NXPH1: variants seen among roughly 807,000 people sequenced by gnomAD.
The protein encoded by NXPH1 is neurexophilin 1, also known as neurexophilin-1.
Under a neutral mutation model 23.7 loss-of-function variants are expected in NXPH1, and 5 were observed. That is an observed-to-expected ratio of 0.21 (90% confidence interval 0.11 to 0.44). The LOEUF (loss-of-function observed/expected upper bound fraction) is 0.44. Among genes scored for constraint, NXPH1 ranks in the 20% least tolerant of loss-of-function variants. The pLI, the probability that NXPH1 is intolerant of heterozygous loss-of-function variation, is 0.99. For synonymous variants in NXPH1, 144 were observed against 122.2 expected (o/e 1.18, Z -1.18); for missense variants, 324 against 321.6 (o/e 1.01, Z -0.06).
At chr7:8,533,313 G>A (rs1817980438) in intron 2 of NXPH1, among the ~76,000 whole-genome samples, 2 of 151,988 alleles carry the variant, frequency 1.3e-5, no homozygotes, top group Non-Finnish European at 1.5e-5. Flanking sequence ...TTCTTTTATA[G>A]GTTCTGGCAC....
intron 2 of NXPH1, among the ~76,000 whole-genome samples, chr7:8,610,470 T>C (rs1481427542): frequency 2.0e-5 from 3 of 152,090 alleles, no homozygotes; most frequent in Non-Finnish European, 4.4e-5. Flanking sequence ...TCAGAAAACA[T>C]AACTTAAAAA....
chr7:8,746,643 A>C (rs1169642575), intron 2 of NXPH1, among the ~76,000 whole-genome samples: 1 of 152,180 alleles, frequency 6.6e-6, no homozygotes, highest in Non-Finnish European at 1.5e-5. Context: ...ATATATATTG[A>C]TGCTATCCTT....
chr7:8,742,742 AT>A (rs1384242981), intron 2 of NXPH1, among the ~76,000 whole-genome samples: 2 of 152,170 alleles, frequency 1.3e-5, no homozygotes, highest in Admixed American at 1.3e-4. Flanking sequence ...CATCTTTTAC[AT>A]TTTATTTTAT....
intron 2 of NXPH1, among the ~76,000 whole-genome samples, chr7:8,668,253 T>C (rs796732669): frequency 2.6e-5 from 2 of 76,866 alleles, no homozygotes; most frequent in Non-Finnish European, 5.7e-5. Flanking sequence ...GTTATGTCTC[T>C]TTGTTTTTTT....
chr7:8,578,239 T>G (rs1359806286), intron 2 of NXPH1, among the ~76,000 whole-genome samples: 1 of 152,188 alleles, frequency 6.6e-6, no homozygotes, highest in African/African-American at 2.4e-5. Flanking sequence ...ATAAACCCAT[T>G]GTAAGTTGAA....
chr7:8,659,270 T>A (rs1314120065), intron 2 of NXPH1, among the ~76,000 whole-genome samples: 1 of 152,224 alleles, frequency 6.6e-6, no homozygotes, highest in East Asian at 1.9e-4. Flanking sequence ...AACATTGCTA[T>A]TTAGAAAAAC....
At chr7:8,513,671 A>G (rs563597101) in intron 2 of NXPH1, among the ~76,000 whole-genome samples, 1 of 152,124 alleles carries the variant, frequency 6.6e-6, no homozygotes, top group Non-Finnish European at 1.5e-5. Flanking sequence ...AGATGTGATT[A>G]GAGATAGGAT....
intron 2 of NXPH1, among the ~76,000 whole-genome samples, chr7:8,627,428 T>C (rs982935346): frequency 3.3e-5 from 5 of 152,140 alleles, no homozygotes; most frequent in African/African-American, 1.2e-4. Flanking sequence ...ATATCTCATA[T>C]AAAACAAAGA....
At chr7:8,547,437 T>A (rs1370282019) in intron 2 of NXPH1, among the ~76,000 whole-genome samples, 2 of 151,218 alleles carry the variant, frequency 1.3e-5, no homozygotes, top group Non-Finnish European at 3.0e-5. Flanking sequence ...CAGCACAAGA[T>A]GTATATATGA....
chr7:8,518,181 T>G (rs941884880), intron 2 of NXPH1, among the ~76,000 whole-genome samples: 1 of 152,172 alleles, frequency 6.6e-6, no homozygotes, highest in Non-Finnish European at 1.5e-5. Flanking sequence ...CAGGTCAATA[T>G]GAAATTCAAG....
chr7:8,653,666 C>T (rs1820524938), intron 2 of NXPH1, among the ~76,000 whole-genome samples: 1 of 152,118 alleles, frequency 6.6e-6, no homozygotes, highest in African/African-American at 2.4e-5. Flanking sequence ...CAATTTCTGT[C>T]CTCTAAATCC....
intron 2 of NXPH1, among the ~76,000 whole-genome samples, chr7:8,572,879 G>C (rs1818676947): frequency 6.6e-6 from 1 of 151,786 alleles, no homozygotes; most frequent in South Asian, 2.1e-4. Flanking sequence ...ATTTGAGAAG[G>C]TCTTACAGAG....
At chr7:8,527,131 G>A (rs561949653) in intron 2 of NXPH1, among the ~76,000 whole-genome samples, 1 of 152,280 alleles carries the variant, frequency 6.6e-6, no homozygotes, top group South Asian at 2.1e-4. Flanking sequence ...TCTCTCATTA[G>A]TGGCCAAAGT....
At chr7:8,478,811 T>C (rs1312283030) in intron 2 of NXPH1, among the ~76,000 whole-genome samples, 3 of 152,098 alleles carry the variant, frequency 2.0e-5, no homozygotes, top group Admixed American at 6.6e-5. Context: ...TTGATAGCAA[T>C]TCTTTATAAC....
At chr7:8,556,078 C>A (rs1365652743) in intron 2 of NXPH1, among the ~76,000 whole-genome samples, 1 of 151,664 alleles carries the variant, frequency 6.6e-6, no homozygotes, top group Non-Finnish European at 1.5e-5. Context: ...CTTCTTCCCT[C>A]CATCCAGGAT....
At chr7:8,616,567 A>G (rs1819742333) in intron 2 of NXPH1, among the ~76,000 whole-genome samples, 1 of 152,076 alleles carries the variant, frequency 6.6e-6, no homozygotes, top group South Asian at 2.1e-4. Flanking sequence ...TATTTGAGGA[A>G]TGAATTAAGG....
intron 2 of NXPH1, among the ~76,000 whole-genome samples, chr7:8,539,150 G>A (rs537163579): frequency 6.6e-6 from 1 of 151,970 alleles, no homozygotes; most frequent in Admixed American, 6.6e-5. Context: ...GGGAAGATGG[G>A]TAGGTGGAAG....
chr7:8,541,407 A>G (rs1303078417), intron 2 of NXPH1, among the ~76,000 whole-genome samples: 9 of 151,634 alleles, frequency 5.9e-5, no homozygotes, highest in Non-Finnish European at 7.4e-5. Flanking sequence ...GGAGGATTGG[A>G]AAGAAAGATA....
rs1583183873 is a variant in NXPH1, at chr7:8,600,709, C to A, written c.55-150299C>A. On this transcript the variant is annotated intron_variant, in intron 2 of 2. Transcript: ENST00000405863. ...TCTCTTCTCTATTACTTATGATTGA[C>A]TTTTGGTTTCACAAGAGTATTTAAA... Among the ~76,000 whole-genome samples the A allele has an allele frequency of 4.6e-5, 7 of 152,286 alleles. No homozygotes were observed. In the South Asian group the frequency reaches 1.5e-3, roughly 32 times the overall value.
Sources: allele counts gnomAD v4.1 joint callset (sites outside exome capture counted in the v4.1 genomes callset), GRCh38; gene constraint gnomAD v4.1.1; transcripts MANE v1.5; gene names NCBI Gene and HGNC (gene_info 2026-07-23, HGNC 2026-07-21).